Variants in RAPGEF2 observed in about 807,000 individuals in gnomAD.
RAPGEF2 encodes the protein Rap guanine nucleotide exchange factor 2, also known as PDZ domain containing guanine nucleotide exchange factor (GEF) 1.
In RAPGEF2, 54 loss-of-function variants were observed where a neutral mutation model predicts 186.7. That is an observed-to-expected ratio of 0.29 (90% CI 0.23 to 0.36). RAPGEF2 has a LOEUF of 0.36. Ranked by LOEUF, RAPGEF2 falls within the 10% of genes least tolerant of loss-of-function variation. The pLI, the probability that RAPGEF2 is intolerant of heterozygous loss-of-function variation, is 1.00. For synonymous variants in RAPGEF2, 712 were observed against 705.9 expected, an observed-to-expected ratio of 1.01 and a Z score of -0.14; for missense variants, 1,532 against 2,045.0, an observed-to-expected ratio of 0.75 and a Z score of 4.84.
intron 9 of RAPGEF2, among the ~76,000 whole-genome samples, chr4:159,320,103 A>C (rs979232866): frequency 1.3e-5 from 2 of 152,210 alleles, no homozygotes; most frequent in African/African-American, 4.8e-5. Context: ...AGTAAAATGC[A>C]TGGTCTATAG....
chr4:159,196,228 T>C (rs1748639107), intron 3 of RAPGEF2, among the ~76,000 whole-genome samples: 1 of 152,202 alleles, frequency 6.6e-6, no homozygotes, highest in Non-Finnish European at 1.5e-5. Context: ...ATGTTTCTGC[T>C]CTTACCAATT....
chr4:159,341,538 C>CTCTGATATGTTTCTGTTTTTCATA, intron 19 of RAPGEF2, 26 bp from the exon 20 acceptor site: 1 of 1,547,826 alleles, frequency 6.5e-7, no homozygotes, highest in South Asian at 1.3e-5. Flanking sequence ...TAGGCTTTGA[C>CTCTGATATGTTTCTGTTTTTCATA]TCTGATATGT....
intron 3 of RAPGEF2, among the ~76,000 whole-genome samples, chr4:159,203,674 A>C (rs572028467): frequency 6.6e-6 from 1 of 152,326 alleles, no homozygotes; most frequent in East Asian, 1.9e-4. Context: ...GCCGAACAGG[A>C]TGAAGTTTGC....
intron 26 of RAPGEF2, 39 bp downstream of exon 26, chr4:159,350,328 C>G (rs1432605075): frequency 2.1e-6 from 3 of 1,451,880 alleles, no homozygotes; most frequent in Admixed American, 2.3e-5. Context: ...GTATTGAAAC[C>G]TATACATTTT....
At position 159,356,043 on chromosome 4, in the gene RAPGEF2, A is replaced by C. The variant is rs374428517; in HGVS notation, c.4842A>C (p.Pro1614=). ...CTGGGCCTTCATCCGTACAGCAGCC[A>C]CATGGGCATCCCACCAGCAGCAGGC... The part of the protein sequence containing the change: ...DTAGPSSVQQ[P]HGHPTSSRPV... The change falls in exon 29 of 30, where the codon CCA becomes CCC. Residue 1614 remains proline (P), a synonymous_variant. Coordinates refer to ENST00000691494, the MANE Select transcript of RAPGEF2 (RefSeq NM_001394067.2). 3 of 1,614,158 alleles carry C rather than the reference A, an allele frequency of 1.9e-6. No homozygotes were observed. The African/African-American group carries it at 4.0e-5, about 22-fold the overall frequency.
rs538605527 is a variant in RAPGEF2 at position 159,276,901 on chromosome 4, G to C, written c.544-27441G>C. Among the ~76,000 whole-genome samples the C allele has an allele frequency of 4.6e-5, 7 of 151,988 alleles. No homozygotes were observed. In the East Asian group the frequency reaches 1.4e-3, roughly 29 times the overall value. On this transcript the variant is annotated intron_variant, in intron 7 of 29. Transcript: ENST00000691494. ...AAATGTCTTCTAGCTGTTTCTCAGA[G>C]CAAGACTAGTTAGGGACTATCTTTT...
intron 7 of RAPGEF2, among the ~76,000 whole-genome samples, chr4:159,258,742 G>A (rs1756471820): frequency 6.6e-6 from 1 of 152,116 alleles, no homozygotes; most frequent in South Asian, 2.1e-4. Flanking sequence ...AGATAATACA[G>A]GTCTCAGCAA....
chr4:159,333,958 T>C (rs889687775), intron 17 of RAPGEF2, among the ~76,000 whole-genome samples: 15 of 152,190 alleles, frequency 9.9e-5, no homozygotes, highest in Non-Finnish European at 2.1e-4. Context: ...ATCCACAGAT[T>C]AGAGAAATGT....
chr4:159,330,572 C>A, intron 13 of RAPGEF2, 74 bp downstream of exon 13: 1 of 1,080,720 alleles, frequency 9.3e-7, no homozygotes, highest in Non-Finnish European at 1.3e-6. Context: ...GTATATTTGT[C>A]ACAGCAATTA....
intron 4 of RAPGEF2, among the ~76,000 whole-genome samples, chr4:159,235,653 C>A (rs767560330): frequency 1.7e-4 from 26 of 152,156 alleles, no homozygotes; most frequent in Non-Finnish European, 4.4e-5. Context: ...ATCTCCTATA[C>A]ATCTTTATCT....
At chr4:159,284,087 G>A (rs1198770897) in intron 7 of RAPGEF2, among the ~76,000 whole-genome samples, 2 of 152,188 alleles carry the variant, frequency 1.3e-5, no homozygotes, top group Admixed American at 6.5e-5. Flanking sequence ...ACCAATGTCA[G>A]GCTGAAGTTT....
chr4:159,284,239 G>A (rs1162529198), intron 7 of RAPGEF2, among the ~76,000 whole-genome samples: 1 of 151,982 alleles, frequency 6.6e-6, no homozygotes, highest in Non-Finnish European at 1.5e-5. Context: ...TTCGCCTAAC[G>A]TAGTAACACA....
chr4:159,344,019 A>G lies in RAPGEF2; in HGVS notation c.3255-17A>G, dbSNP rs767968074. 57 of 1,531,108 alleles carry G rather than the reference A, an allele frequency of 3.7e-5. No homozygotes were observed. The highest frequency in any genetic ancestry group is 1.7e-4 in the Middle Eastern group (1 of 5,910). 94.8% of individuals were successfully genotyped at this position (1,531,108 alleles called of 1,614,324 possible). A position where few individuals can be genotyped will look rare whatever the true frequency, so the allele number is the denominator to read the frequency against. On this transcript the variant is annotated splice_polypyrimidine_tract_variant and intron_variant, in intron 22 of 29. Transcript: ENST00000691494. Reference sequence around the variant, plus strand: ...TTTCTACACCCATGCTTCAATCTCCATGGCTCTCACTTACAGGAAGAAGAA... The same window carrying G: ...TTTCTACACCCATGCTTCAATCTCCGTGGCTCTCACTTACAGGAAGAAGAA...
chr4:159,282,064 C>T (rs1759792296), intron 7 of RAPGEF2, among the ~76,000 whole-genome samples: 1 of 152,156 alleles, frequency 6.6e-6, no homozygotes, highest in Admixed American at 6.5e-5. Flanking sequence ...ATGATGCATA[C>T]TTCATAGGTT....
At chr4:159,215,779 G>T (rs2111386792) in intron 4 of RAPGEF2, among the ~76,000 whole-genome samples, 1 of 152,246 alleles carries the variant, frequency 6.6e-6, no homozygotes, top group African/African-American at 2.4e-5. Context: ...GGACTGTAAG[G>T]TTGAAGGGAA....
At chr4:159,144,644 T>C (rs1362622684) in intron 1 of RAPGEF2, among the ~76,000 whole-genome samples, 1 of 152,206 alleles carries the variant, frequency 6.6e-6, no homozygotes, top group Non-Finnish European at 1.5e-5. Context: ...GTATTACCCA[T>C]GTACTTGTAG....
chr4:159,118,354 G>C (rs970258284), intron 1 of RAPGEF2, among the ~76,000 whole-genome samples: 1 of 152,076 alleles, frequency 6.6e-6, no homozygotes, highest in East Asian at 1.9e-4. Context: ...TCATCCCCTA[G>C]TTGCAGGAAA....
At chr4:159,130,207 CT>C (rs1030067956) in intron 1 of RAPGEF2, among the ~76,000 whole-genome samples, 10 of 152,198 alleles carry the variant, frequency 6.6e-5, no homozygotes, top group African/African-American at 2.4e-4. Flanking sequence ...GTTTTGTCTG[CT>C]TCTTTACCTT....
rs1729483599 is a variant in RAPGEF2, at chr4:159,341,616, G to T, written c.2587G>T (p.Ala863Ser). The T allele has an allele frequency of 6.2e-7, 1 of 1,613,022 alleles. No individual in the cohort carries two copies. The change falls in exon 20 of 30, where the codon GCT becomes TCT. Residue 863 changes from alanine to serine, a missense_variant. This residue lies in a region of RAPGEF2 where 810 missense variants were observed against 1,210.5 expected (regional missense o/e 0.67). Coordinates refer to ENST00000691494, the MANE Select transcript of RAPGEF2 (RefSeq NM_001394067.2). ...ETETLCSDED[A>S]QELLRESQIS... is the part of the protein sequence containing the mutation. ...AGAAACTCTTTGTTCAGATGAAGAT[G>T]CTCAGGAGTTGTTGAGAGAGAGTCA...
Sources: allele counts gnomAD v4.1 joint callset (sites outside exome capture counted in the v4.1 genomes callset), GRCh38; gene constraint gnomAD v4.1.1; regional missense constraint gnomAD v4.1.1; transcripts MANE v1.5; gene names NCBI Gene and HGNC (gene_info 2026-07-23, HGNC 2026-07-21).